Variants in TNPO1 observed in about 807,000 individuals in gnomAD.
The protein encoded by TNPO1 is transportin 1, also known as transportin-1.
In TNPO1, 8 loss-of-function variants were observed where a neutral mutation model predicts 119.5. That is an observed-to-expected ratio of 0.07 (90% CI 0.04 to 0.12). TNPO1 has a LOEUF of 0.12. Ranked by LOEUF, TNPO1 falls within the 10% of genes least tolerant of loss-of-function variation. The pLI is 1.00. For missense variants in TNPO1, 576 were observed against 1,089.8 expected (o/e 0.53, Z 6.64); for synonymous variants, 362 against 363.0 (o/e 1.00, Z 0.03).
At chr5:72,828,445 ATTTAC>A (rs1241236312) in intron 1 of TNPO1, among the ~76,000 whole-genome samples, 1 of 152,168 alleles carries the variant, frequency 6.6e-6, no homozygotes, top group Non-Finnish European at 1.5e-5. Flanking sequence ...AAACTCCCAT[ATTTAC>A]TTTACATGGA....
At chr5:72,821,866 C>T (rs574933107) in intron 1 of TNPO1, among the ~76,000 whole-genome samples, 2 of 152,190 alleles carry the variant, frequency 1.3e-5, no homozygotes, top group South Asian at 2.1e-4. Flanking sequence ...AACTCTTAAG[C>T]GGTTCAGGGG....
chr5:72,898,733 G>A (rs1749618970), intron 20 of TNPO1, among the ~76,000 whole-genome samples: 1 of 152,038 alleles, frequency 6.6e-6, no homozygotes, highest in Non-Finnish European at 1.5e-5. Context: ...TGTTTCATTG[G>A]ATTGTTCATA....
At chr5:72,878,980 A>T (rs1182302348) in intron 9 of TNPO1, 2 of 470,972 alleles carry the variant, frequency 4.2e-6, no homozygotes, top group Non-Finnish European at 8.6e-6. Context: ...GGCCCAGATT[A>T]CTCTGGCTTT....
At chr5:72,893,305 G>A in intron 16 of TNPO1, 59 bp downstream of exon 16, 2 of 1,605,396 alleles carry the variant, frequency 1.2e-6, no homozygotes, top group South Asian at 1.1e-5. Flanking sequence ...CTAAAGATAG[G>A]TATAATGTAT....
In TNPO1 at chr5:72,911,030, T is replaced by C. The variant is rs564236397; in HGVS notation, c.*2357T>C. On this transcript the variant is annotated 3_prime_UTR_variant, in exon 25 of 25. Transcript: ENST00000337273. ...GTTAGTCTTTAATAACTGAGTAGAG[T>C]AGCTTTTTTATTCTTAGATTATAGT... 5.9e-5 allele frequency: 9 copies of C among 152,128 alleles called. No individual in the cohort carries two copies. In the South Asian group the frequency reaches 1.7e-3, roughly 28 times the overall value. 9.4% of individuals were successfully genotyped at this position (152,128 alleles called of 1,614,324 possible). A position where few individuals can be genotyped will look rare whatever the true frequency, so the allele number is the denominator to read the frequency against.
At chr5:72,846,818 T>C (rs563487570) in intron 1 of TNPO1, among the ~76,000 whole-genome samples, 18 of 152,328 alleles carry the variant, frequency 1.2e-4, no homozygotes, top group African/African-American at 4.3e-4. Context: ...GTCTATATTG[T>C]ATCAAATAAA....
chr5:72,897,031 T>A (rs775340357), intron 19 of TNPO1, 25 bp from the exon 20 acceptor site: 2 of 1,507,862 alleles, frequency 1.3e-6, no homozygotes, highest in South Asian at 1.3e-5. Flanking sequence ...CTTTTTTGTT[T>A]TTTTCTTTTT....
At chr5:72,907,802 G>A (rs969645455) in intron 24 of TNPO1, among the ~76,000 whole-genome samples, 2 of 152,082 alleles carry the variant, frequency 1.3e-5, no homozygotes, top group African/African-American at 2.4e-5. Context: ...CTAGCATTTT[G>A]GGAGGCTGAG....
intron 4 of TNPO1, among the ~76,000 whole-genome samples, chr5:72,858,714 G>A (rs537472212): frequency 6.6e-6 from 1 of 152,220 alleles, no homozygotes; most frequent in African/African-American, 2.4e-5. Context: ...GTGGGCACCT[G>A]TAGTCCCAGC....
chr5:72,853,261 A>G (rs1364680693), intron 3 of TNPO1, among the ~76,000 whole-genome samples: 3 of 152,190 alleles, frequency 2.0e-5, no homozygotes, highest in South Asian at 2.1e-4. Flanking sequence ...GATCAGCAAC[A>G]TAGTGAATGG....
intron 1 of TNPO1, among the ~76,000 whole-genome samples, chr5:72,823,207 G>A (rs1322796412): frequency 1.3e-5 from 2 of 151,974 alleles, no homozygotes; most frequent in South Asian, 2.1e-4. Context: ...TATCTGTCAT[G>A]AGTCTTCTTA....
intron 1 of TNPO1, among the ~76,000 whole-genome samples, chr5:72,821,383 C>T (rs1374728636): frequency 6.6e-6 from 1 of 151,944 alleles, no homozygotes; most frequent in Middle Eastern, 3.2e-3. Flanking sequence ...AGTATTTCAG[C>T]AAATCATGAA....
intron 3 of TNPO1, among the ~76,000 whole-genome samples, chr5:72,855,216 G>A (rs190846323): frequency 1.5e-3 from 229 of 151,470 alleles, no homozygotes; most frequent in African/African-American, 4.7e-3. Flanking sequence ...GTCTGGTCTC[G>A]AACTCCTGGC....
At position 72,905,321 on chromosome 5, in the gene TNPO1, A is replaced by T; in HGVS notation, c.2608A>T (p.Asn870Tyr). 1 of 1,610,690 alleles carries T rather than the reference A, an allele frequency of 6.2e-7. No individual in the cohort carries two copies. Among genetic ancestry groups the T allele is most frequent in the Non-Finnish European group, 8.5e-7 (1 of 1,179,358 alleles). Reference protein sequence around the residue: ...MFCKILHGFKNQVGDENWRRF... With the variant: ...MFCKILHGFKYQVGDENWRRF... Reference sequence around the variant, plus strand: ...CTTACAGATCCTTCATGGATTTAAAAATCAAGTTGGCGATGAAAATTGGAG... The same window carrying T: ...CTTACAGATCCTTCATGGATTTAAATATCAAGTTGGCGATGAAAATTGGAG... Residue 870 changes from asparagine (N) to tyrosine (Y), a missense_variant, in exon 24 of 25, where the codon AAT (asparagine) becomes TAT (tyrosine). Transcript: ENST00000337273.
At chr5:72,882,899 A>G (rs1217881661) in intron 10 of TNPO1, among the ~76,000 whole-genome samples, 165 bp from the exon 11 acceptor site, 6 of 152,184 alleles carry the variant, frequency 3.9e-5, no homozygotes, top group Admixed American at 3.3e-4. Context: ...TCGCCCCTCC[A>G]TAAGGAATAT....
In TNPO1 at chr5:72,872,709, T is replaced by A; in HGVS notation, c.667T>A (p.Ser223Thr). The change falls in exon 7 of 25, where the codon TCT becomes ACT. Residue 223 changes from serine to threonine, a missense_variant. Physicochemically the swap from Ser to Thr is moderately conservative, Grantham distance 58. Coordinates refer to ENST00000337273, the MANE Select transcript of TNPO1 (RefSeq NM_002270.4). ...TCAAGCTCTAATGTTGCACATTGAT[T>A]CTTTTATTGAGGTAAGACTTGTTCT... ...RTQALMLHID[S>T]FIENLFALAG... The A allele has an allele frequency of 6.2e-7, 1 of 1,608,004 alleles. No homozygotes were observed. The highest frequency in any genetic ancestry group is 8.5e-7 in the Non-Finnish European group (1 of 1,177,060).
chr5:72,860,441 C>T (rs1746352003), intron 4 of TNPO1, among the ~76,000 whole-genome samples: 1 of 152,180 alleles, frequency 6.6e-6, no homozygotes, highest in African/African-American at 2.4e-5. Flanking sequence ...AACACGAAAC[C>T]TTTCTGTTGT....
At chr5:72,899,935 C>A in intron 20 of TNPO1, 71 bp from the exon 21 acceptor site, 1 of 1,171,044 alleles carries the variant, frequency 8.5e-7, no homozygotes, top group Non-Finnish European at 1.2e-6. Context: ...TTTATTTTTT[C>A]TCCTTCCCCC....
chr5:72,820,931 A>C (rs900507317), intron 1 of TNPO1, among the ~76,000 whole-genome samples: 1 of 152,300 alleles, frequency 6.6e-6, no homozygotes, highest in Admixed American at 6.5e-5. Context: ...GAATGCACCA[A>C]ATATCTGTGG....
Sources: allele counts gnomAD v4.1 joint callset (sites outside exome capture counted in the v4.1 genomes callset), GRCh38; gene constraint gnomAD v4.1.1; transcripts MANE v1.5; gene names NCBI Gene and HGNC (gene_info 2026-07-23, HGNC 2026-07-21).